The following BRD10 variants were observed in gnomAD, a reference collection of about 807,000 sequenced individuals.
The protein encoded by BRD10 is uncharacterized bromodomain-containing protein 10.
the BRD10 span, among the ~76,000 whole-genome samples, chr9:6,004,667 A>C: frequency 6.6e-6 from 1 of 152,246 alleles, no homozygotes; most frequent in Non-Finnish European, 1.5e-5. Flanking sequence ...TTTCATTTCT[A>C]AAATACCATA....
chr9:5,936,932 G>C, the BRD10 span, among the ~76,000 whole-genome samples: 1 of 152,144 alleles, frequency 6.6e-6, no homozygotes, highest in African/African-American at 2.4e-5. Flanking sequence ...TGTGATACGT[G>C]ATTGAAAAAG....
the BRD10 span, chr9:5,988,275 G>A: frequency 2.7e-6 from 3 of 1,099,978 alleles, no homozygotes; most frequent in East Asian, 2.4e-5. Flanking sequence ...ACTAAAATGG[G>A]CCCAGAAATC....
chr9:5,882,549 C>A, the BRD10 span, among the ~76,000 whole-genome samples: 1 of 152,196 alleles, frequency 6.6e-6, no homozygotes, highest in Non-Finnish European at 1.5e-5. Flanking sequence ...GCCATCACAA[C>A]CTTACACAAA....
At chr9:5,947,550 T>C in the BRD10 span, among the ~76,000 whole-genome samples, 1 of 152,104 alleles carries the variant, frequency 6.6e-6, no homozygotes, top group Non-Finnish European at 1.5e-5. Context: ...AATAGCTACA[T>C]AACAATTTAT....
At chr9:5,932,184 C>A in the BRD10 span, among the ~76,000 whole-genome samples, 334 of 152,112 alleles carry the variant, frequency 2.2e-3, 1 homozygote, top group African/African-American at 7.7e-3. Context: ...ATTTATTGAA[C>A]TTTAAATTAG....
chr9:5,945,788 A>T, the BRD10 span, among the ~76,000 whole-genome samples: 3 of 152,026 alleles, frequency 2.0e-5, no homozygotes, highest in Non-Finnish European at 2.9e-5. Flanking sequence ...TAAGCTATTT[A>T]AAAAAAATTA....
At chr9:5,915,640 C>A in the BRD10 span, among the ~76,000 whole-genome samples, 1 of 152,166 alleles carries the variant, frequency 6.6e-6, no homozygotes, top group Non-Finnish European at 1.5e-5. Context: ...CAGTTATAAA[C>A]GTACTTGCAG....
chr9:5,965,878 C>G, the BRD10 span, among the ~76,000 whole-genome samples: 2 of 152,156 alleles, frequency 1.3e-5, no homozygotes, highest in Non-Finnish European at 2.9e-5. Flanking sequence ...AGGGTAAAGC[C>G]TCAGATAGAC....
chr9:5,949,263 C>A, the BRD10 span, among the ~76,000 whole-genome samples: 1 of 151,782 alleles, frequency 6.6e-6, no homozygotes, highest in African/African-American at 2.4e-5. Flanking sequence ...TAGAGGAAAC[C>A]ACAGAGAATC....
the BRD10 span, chr9:6,007,287 C>A: frequency 3.1e-6 from 5 of 1,613,948 alleles, no homozygotes; most frequent in East Asian, 6.7e-5. Flanking sequence ...GGCGGTAGCA[C>A]GTCTCCAGCA....
the BRD10 span, chr9:6,008,040 C>T: frequency 8.7e-7 from 1 of 1,150,892 alleles, no homozygotes; most frequent in Non-Finnish European, 1.1e-6. Context: ...CTCCCCTCCC[C>T]CCCGGCGGCG....
the BRD10 span, chr9:6,007,350 GA>G: frequency 6.2e-7 from 1 of 1,613,472 alleles, no homozygotes; most frequent in Non-Finnish European, 8.5e-7. Context: ...GGCCGCTGGC[GA>G]ACTTCTCTTC....
the BRD10 span, among the ~76,000 whole-genome samples, chr9:5,960,704 T>C: frequency 2.0e-5 from 3 of 152,220 alleles, no homozygotes; most frequent in Admixed American, 6.5e-5. Context: ...TTTGTGTTTT[T>C]TCAGATTTTA....
At chr9:5,896,993 G>T in the BRD10 span, among the ~76,000 whole-genome samples, 2 of 152,176 alleles carry the variant, frequency 1.3e-5, no homozygotes, top group Non-Finnish European at 2.9e-5. Flanking sequence ...CCTCTGTTTT[G>T]TGCTAGCTCT....
the BRD10 span, chr9:5,897,490 T>C: frequency 7.0e-7 from 1 of 1,423,890 alleles, no homozygotes; most frequent in Non-Finnish European, 9.9e-7. Flanking sequence ...GAAGACTGAT[T>C]TATGCTTCAT....
the BRD10 span, among the ~76,000 whole-genome samples, chr9:5,888,949 C>T: frequency 4.6e-5 from 7 of 152,198 alleles, no homozygotes; most frequent in Non-Finnish European, 8.8e-5. Context: ...TATATGATAA[C>T]TGGCAATGAC....
the BRD10 span, among the ~76,000 whole-genome samples, chr9:5,930,993 G>A: frequency 6.6e-6 from 1 of 152,208 alleles, no homozygotes; most frequent in Non-Finnish European, 1.5e-5. Flanking sequence ...CAAATGGTCA[G>A]AGTGGAAGTA....
At chr9:5,989,300 G>T in the BRD10 span, among the ~76,000 whole-genome samples, 2 of 132,264 alleles carry the variant, frequency 1.5e-5, no homozygotes, top group African/African-American at 5.7e-5. Context: ...AGCACCTGTA[G>T]ATCCAATTAT....
chr9:5,921,785 C>T, the BRD10 span: 1 of 1,613,938 alleles, frequency 6.2e-7, no homozygotes, highest in East Asian at 2.2e-5. Context: ...TAGTAGAGTA[C>T]TAGAACAAAT....
Sources: gnomAD v4.1 joint callset for allele counts (sites outside exome capture counted in the v4.1 genomes callset) on GRCh38, gnomAD v4.1.1 for gene constraint, MANE v1.5 for transcripts, NCBI Gene and HGNC (gene_info 2026-07-23, HGNC 2026-07-21) for gene names.